ZNF774: variants seen among roughly 807,000 people sequenced by gnomAD.
ZNF774 encodes the protein zinc finger protein 774.
Under a neutral mutation model 11.1 loss-of-function variants are expected in ZNF774, and 14 were observed. The observed-to-expected ratio is 1.26, with a 90% CI of 0.83 to 1.97. ZNF774 has a LOEUF of 1.97. Ranked by LOEUF, ZNF774 falls within the 30% of genes most tolerant of loss-of-function variation. ZNF774 has a pLI of 0.00. For synonymous variants in ZNF774, 195 were observed against 212.6 expected, an observed-to-expected ratio of 0.92 and a Z score of 0.72; for missense variants, 599 against 587.0, an observed-to-expected ratio of 1.02 and a Z score of -0.21.
chr15:90,356,326 C>G (rs1964249049), intron 2 of ZNF774, among the ~76,000 whole-genome samples: 1 of 151,898 alleles, frequency 6.6e-6, no homozygotes, highest in East Asian at 1.9e-4. Context: ...CTTCGGCCTC[C>G]CAAAGTGCTG....
chr15:90,362,618 A>C lies in ZNF774; in HGVS notation c.*1335A>C. ...ATTGAGGGACGGCAAGTGTGTTGGA[A>C]AGAACACCGACTTCATTGAGAAGGT... On this transcript the variant is annotated 3_prime_UTR_variant, in exon 4 of 4. Transcript: ENST00000354377. The C allele has an allele frequency of 6.6e-7, 1 of 1,519,806 alleles. No homozygotes were observed. Among genetic ancestry groups the C allele is most frequent in the Non-Finnish European group, 8.8e-7 (1 of 1,132,168 alleles). The allele number at this position is 1,519,806 out of a possible 1,614,324, so 94.1% of individuals were successfully genotyped here.
chr15:90,361,296 G>C lies in ZNF774; in HGVS notation c.*13G>C. On this transcript the variant is annotated 3_prime_UTR_variant, in exon 4 of 4. Coordinates refer to ENST00000354377, the MANE Select transcript of ZNF774 (RefSeq NM_001004309.3). ...CCATTTGATTTAGGAAGTAGTCTTTGGTGTTCAGCTGCTCCCTTGCACATT... is the reference window on the plus strand; with the variant it reads ...CCATTTGATTTAGGAAGTAGTCTTTCGTGTTCAGCTGCTCCCTTGCACATT... The C allele has an allele frequency of 1.9e-6, 3 of 1,577,128 alleles. No individual in the cohort carries two copies. Among genetic ancestry groups the C allele is most frequent in the Non-Finnish European group, 2.6e-6 (3 of 1,161,168 alleles).
Position 90,360,288 on chromosome 15 carries a change from T to C in ZNF774, c.457T>C (p.Cys153Arg), listed in dbSNP as rs1964308603. The C allele has an allele frequency of 8.7e-6, 14 of 1,614,236 alleles. No homozygotes were observed. Among genetic ancestry groups the C allele is most frequent in the Middle Eastern group, 1.6e-4 (1 of 6,062 alleles). Residue 153 changes from cysteine to arginine, a missense_variant, in exon 4 of 4, where the codon TGT (cysteine) becomes CGT (arginine). Physicochemically the swap from Cys to Arg is radical, Grantham distance 180 (BLOSUM62 -3). Transcript: ENST00000354377. ...LDGYVGEKPMCAECGKSFNQS... is the reference protein window; with the variant it reads ...LDGYVGEKPMRAECGKSFNQS... ...TGGATATGTAGGAGAGAAGCCTATGTGTGCAGAATGCGGGAAAAGCTTTAA... is the reference window on the plus strand; with the variant it reads ...TGGATATGTAGGAGAGAAGCCTATGCGTGCAGAATGCGGGAAAAGCTTTAA...
chr15:90,357,538 A>G (rs4932339), intron 2 of ZNF774, among the ~76,000 whole-genome samples: 22,641 of 152,230 alleles, frequency 0.15, 2,374 homozygotes, highest in East Asian at 0.47. Flanking sequence ...ACACAAAAAA[A>G]GAGTCTGGGA....
At position 90,362,748 on chromosome 15, in the gene ZNF774, TACACACACACACACACAC is replaced by T. The variant is rs59687959; in HGVS notation, c.*1486_*1503del. ...CAAGGTTGTTGTGAGGATCTAAAAA[TACACACACACACACACAC>T]ACACACACACACACACACACTTTGT... On this transcript the variant is annotated 3_prime_UTR_variant, in exon 4 of 4. Coordinates refer to ENST00000354377, the MANE Select transcript of ZNF774 (RefSeq NM_001004309.3). 16 of 489,522 alleles carry T rather than the reference TACACACACACACACACAC, an allele frequency of 3.3e-5. No homozygotes were observed. Among genetic ancestry groups the T allele is most frequent in the South Asian group, 9.3e-5 (3 of 32,390 alleles). 30.3% of individuals were successfully genotyped at this position (489,522 alleles called of 1,614,324 possible). A position where few individuals can be genotyped will look rare whatever the true frequency, so the allele number is the denominator to read the frequency against.
chr15:90,352,713 G>T (rs1209883328), intron 1 of ZNF774, among the ~76,000 whole-genome samples: 1 of 151,872 alleles, frequency 6.6e-6, no homozygotes, highest in Non-Finnish European at 1.5e-5. Context: ...AACGGGGTTC[G>T]GCCCCACGCG....
At position 90,361,405 on chromosome 15, in the gene ZNF774, C is replaced by T; in HGVS notation, c.*122C>T. 1 of 1,492,118 alleles carries T rather than the reference C, an allele frequency of 6.7e-7. No homozygotes were observed. The highest frequency in any genetic ancestry group is 8.8e-7 in the Non-Finnish European group (1 of 1,130,674). 92.4% of individuals were successfully genotyped at this position (1,492,118 alleles called of 1,614,324 possible). A position where few individuals can be genotyped will look rare whatever the true frequency, so the allele number is the denominator to read the frequency against. On this transcript the variant is annotated 3_prime_UTR_variant, in exon 4 of 4. Transcript: ENST00000354377. ...ATTTGGGCCCTGATCTATTCTCCCT[C>T]TTTCTTGTCTATGTTATAACAGAGA...
chr15:90,360,792 T>G lies in ZNF774; in HGVS notation c.961T>G (p.Cys321Gly). Residue 321 changes from cysteine (C) to glycine (G), a missense_variant, in exon 4 of 4, where the codon TGC becomes GGC. Transcript: ENST00000354377. ...CCACACGGGAGAACGGCCCTTCAAA[T>G]GCCCGGAGTGCGGGAAGGGCTTCAG... ...RTHTGERPFK[C>G]PECGKGFRDS... 6.2e-7 allele frequency: 1 copy of G among 1,614,190 alleles called. No individual in the cohort carries two copies. The highest frequency in any genetic ancestry group is 1.1e-5 in the South Asian group (1 of 91,082).
chr15:90,357,971 C>T (rs577882435), intron 2 of ZNF774, among the ~76,000 whole-genome samples: 2 of 151,348 alleles, frequency 1.3e-5, no homozygotes, highest in African/African-American at 4.9e-5. Context: ...CCTCGATTCA[C>T]CATAACCTCT....
rs59687959 is a variant in ZNF774 at position 90,362,748 on chromosome 15, T to TACACACAC, written c.*1496_*1503dup. ...CAAGGTTGTTGTGAGGATCTAAAAA[T>TACACACAC]ACACACACACACACACACACACACA... On this transcript the variant is annotated 3_prime_UTR_variant, in exon 4 of 4. Transcript: ENST00000354377. The TACACACAC allele has an allele frequency of 6.8e-4, 331 of 489,584 alleles. No individual in the cohort carries two copies. The Middle Eastern group carries it at 7.2e-3, about 11-fold the overall frequency. The allele number at this position is 489,584 out of a possible 1,614,324, so 30.3% of individuals were successfully genotyped here.
At chr15:90,355,400 T>C (rs560311650) in intron 2 of ZNF774, 74 of 456,026 alleles carry the variant, frequency 1.6e-4, no homozygotes, top group African/African-American at 1.2e-3. Flanking sequence ...ACTTCTGAGG[T>C]CTTTGTGGAA....
At chr15:90,359,751 G>C (rs1415033331) in intron 3 of ZNF774, among the ~76,000 whole-genome samples, 1 of 152,238 alleles carries the variant, frequency 6.6e-6, no homozygotes, top group Admixed American at 6.5e-5. Context: ...CACCACGCCT[G>C]GCCTAAACCT....
At chr15:90,359,532 G>T (rs142822994) in intron 3 of ZNF774, among the ~76,000 whole-genome samples, 3,118 of 151,838 alleles carry the variant, frequency 0.021, 88 homozygotes, top group African/African-American at 0.067. Context: ...TCTGCTCACT[G>T]CAACCTCCGC....
intron 1 of ZNF774, among the ~76,000 whole-genome samples, chr15:90,353,425 AGTGTGTGTGTGT>A (rs56080142): frequency 2.4e-4 from 34 of 139,432 alleles, no homozygotes; most frequent in African/African-American, 5.7e-4. Context: ...TTCCCCCAAA[AGTGTGTGTGTGT>A]GTGTGTGTGT....
At position 90,360,442 on chromosome 15, in the gene ZNF774, A is replaced by G. The variant is rs769743856; in HGVS notation, c.611A>G (p.Glu204Gly). 69 of 1,613,666 alleles carry G rather than the reference A, an allele frequency of 4.3e-5. No individual in the cohort carries two copies. The South Asian group carries it at 7.5e-4, about 17-fold the overall frequency. ...LVTHRRTHTG[E>G]KPYQCKGCEK... is the part of the protein sequence containing the mutation. Reference sequence around the variant, plus strand: ...ACCCATCGCAGAACACACACAGGAGAGAAGCCCTACCAATGCAAGGGGTGT... The same window carrying G: ...ACCCATCGCAGAACACACACAGGAGGGAAGCCCTACCAATGCAAGGGGTGT... Residue 204 changes from glutamate (E) to glycine (G), a missense_variant, in exon 4 of 4, where the codon GAG (glutamate) becomes GGG (glycine). By Grantham distance (98) the Glu-to-Gly change is moderately conservative (BLOSUM62 -2). Transcript: ENST00000354377.
rs1964344416 is a variant in ZNF774, at chr15:90,362,009, C to G, written c.*726C>G. 6.4e-6 allele frequency: 1 copy of G among 155,242 alleles called. No individual in the cohort carries two copies. The highest frequency in any genetic ancestry group is 2.4e-5 in the African/African-American group (1 of 41,456). 9.6% of individuals were successfully genotyped at this position (155,242 alleles called of 1,614,324 possible). Reference sequence around the variant, plus strand: ...AATGCAGTACCTGGCCCTTAAAAGACACTCAGTACAAGATTGGTGGCTTTT... The same window carrying G: ...AATGCAGTACCTGGCCCTTAAAAGAGACTCAGTACAAGATTGGTGGCTTTT... On this transcript the variant is annotated 3_prime_UTR_variant, in exon 4 of 4. Coordinates refer to ENST00000354377, the MANE Select transcript of ZNF774 (RefSeq NM_001004309.3).
intron 2 of ZNF774, among the ~76,000 whole-genome samples, chr15:90,358,629 T>C (rs1964279398): frequency 6.6e-6 from 1 of 152,192 alleles, no homozygotes; most frequent in Non-Finnish European, 1.5e-5. Flanking sequence ...TGAGTCTGGT[T>C]TTTTTTCTTT....
intron 2 of ZNF774, among the ~76,000 whole-genome samples, chr15:90,355,027 C>T (rs1166216060): frequency 2.6e-5 from 4 of 152,136 alleles, no homozygotes; most frequent in Admixed American, 6.5e-5. Context: ...CTATGCTGTC[C>T]AGGCTGGTCT....
intron 1 of ZNF774, 124 bp from the exon 2 acceptor site, chr15:90,354,518 C>A: frequency 1.6e-6 from 1 of 633,364 alleles, no homozygotes; most frequent in South Asian, 2.1e-5. Context: ...CAGAATTTAC[C>A]TCAGGACCAT....
Sources: gnomAD v4.1 joint callset for allele counts (sites outside exome capture counted in the v4.1 genomes callset) on GRCh38, gnomAD v4.1.1 for gene constraint, MANE v1.5 for transcripts, NCBI Gene and HGNC (gene_info 2026-07-23, HGNC 2026-07-21) for gene names.